The following KIF26A variants were observed in gnomAD, a reference collection of about 807,000 sequenced individuals.
KIF26A encodes the protein kinesin family member 26A.
In KIF26A, 74 loss-of-function variants were observed where a neutral mutation model predicts 126.0. That is an observed-to-expected ratio of 0.59 (90% CI 0.49 to 0.71). The LOEUF (loss-of-function observed/expected upper bound fraction) is 0.71. KIF26A is among the 30% of genes least tolerant of loss of function. The probability of loss-of-function intolerance (pLI) is 0.00; values close to 1 mark genes in which losing one functional copy is unlikely to be tolerated. For synonymous variants in KIF26A, 1,445 were observed against 1,232.7 expected (o/e 1.17, Z -3.61); for missense variants, 2,984 against 2,763.3 (o/e 1.08, Z -1.79).
rs555804254 is a variant in KIF26A, at chr14:104,138,747, T to C, written c.25T>C (p.Cys9Arg). Reference protein sequence around the residue: MVGRGVPLCAAQPAVAEGG... With the variant: MVGRGVPLRAAQPAVAEGG... ...CATGGTCGGCCGCGGCGTCCCTCTG[T>C]GCGCTGCGCAGCCCGCGGTACGCGC... Residue 9 changes from cysteine to arginine, a missense_variant, in exon 1 of 15, where the codon TGC (cysteine) becomes CGC (arginine). Transcript: ENST00000423312. 1.9e-4 allele frequency: 237 copies of C among 1,263,378 alleles called. 2 individuals are homozygous for C. In the Admixed American group the frequency reaches 6.7e-3, roughly 36 times the overall value. The allele number at this position is 1,263,378 out of a possible 1,614,324, so 78.3% of individuals were successfully genotyped here.
Position 104,152,199 on chromosome 14 carries a change from GC to G in KIF26A, c.477del (p.Ser160AlafsTer48). On this transcript the variant is annotated frameshift_variant, in exon 3 of 15. Transcript: ENST00000423312. LOFTEE classifies it high-confidence loss of function. This position sits in a 1 kb window ranked among gnomAD's most constrained non-coding sequence, Gnocchi z 5.9. ...SHEDLDAPHG[G>X]PSLAPPSTTT... is the part of the protein sequence containing the mutation. ...GAGGACCTTGACGCCCCCCATGGAG[GC>G]CCCAGCCTCGCACCCCCCAGCACCA... is the stretch of plus-strand genomic sequence containing the variant. 6.2e-7 allele frequency: 1 copy of G among 1,605,004 alleles called. No individual in the cohort carries two copies.
At chr14:104,173,595 G>C in intron 9 of KIF26A, 82 bp downstream of exon 9, 1 of 1,505,700 alleles carries the variant, frequency 6.6e-7, no homozygotes, top group Non-Finnish European at 8.9e-7. Context: ...TCATCCAGTG[G>C]CTCCTGGGGA....
At chr14:104,142,740 C>T (rs1469568324) in intron 2 of KIF26A, among the ~76,000 whole-genome samples, 6 of 152,344 alleles carry the variant, frequency 3.9e-5, no homozygotes, top group African/African-American at 1.4e-4. Context: ...CAGACCTCTT[C>T]CCTCTCCCTG....
rs1315923148 is a variant in KIF26A, at chr14:104,176,339, C to CCCCAT, written c.3555_3559dup (p.Arg1187HisfsTer63). On this transcript the variant is annotated frameshift_variant, in exon 12 of 15. Coordinates refer to ENST00000423312, the MANE Select transcript of KIF26A (RefSeq NM_015656.2). LOFTEE classifies it high-confidence loss of function. ...TGCCCTGGGGAAGTGGCTGCAGTGG[C>CCCCAT]CCCATCCCGACCCGGCAGGGAGCCC... 1 of 1,583,274 alleles carries CCCCAT rather than the reference C, an allele frequency of 6.3e-7. No homozygotes were observed. The highest frequency in any genetic ancestry group is 1.7e-5 in the Admixed American group (1 of 57,968).
rs757238072 is a variant in KIF26A at position 104,176,661 on chromosome 14, C to G, written c.3873C>G (p.Ala1291=). ...TGGTGGACGGGTGTGAGGTGGCAGC[C>G]AGGGCGGCCCGCAGGCCAGAGGCTG... ...QRVVDGCEVA[A]RAARRPEAVA... The change falls in exon 12 of 15, where the codon GCC becomes GCG. Residue 1291 remains alanine, a synonymous_variant. Transcript: ENST00000423312. 6.3e-7 allele frequency: 1 copy of G among 1,599,834 alleles called. No individual in the cohort carries two copies. The highest frequency in any genetic ancestry group is 1.1e-5 in the South Asian group (1 of 90,212).
chr14:104,155,596 G>A (rs886105793), intron 3 of KIF26A, among the ~76,000 whole-genome samples: 1 of 151,790 alleles, frequency 6.6e-6, no homozygotes, highest in Non-Finnish European at 1.5e-5. Context: ...CCCTGCCCCC[G>A]GCTCTCGCTT....
At chr14:104,143,604 G>A (rs1259171397) in intron 2 of KIF26A, among the ~76,000 whole-genome samples, 1 of 152,204 alleles carries the variant, frequency 6.6e-6, no homozygotes, top group African/African-American at 2.4e-5. Context: ...TCCCAGGTCT[G>A]TTGCCCCCAA....
At chr14:104,158,656 G>C (rs10150549) in intron 4 of KIF26A, among the ~76,000 whole-genome samples, 1 of 152,024 alleles carries the variant, frequency 6.6e-6, no homozygotes, top group African/African-American at 2.4e-5. Flanking sequence ...CAGAATGCCA[G>C]GCCTGAGGCC....
Position 104,151,151 on chromosome 14 carries a change from GCTC to G in KIF26A, c.289-854_289-852del, listed in dbSNP as rs1223050421. Among the ~76,000 whole-genome samples the G allele has an allele frequency of 6.6e-6, 1 of 152,144 alleles. No individual in the cohort carries two copies. The highest frequency in any genetic ancestry group is 1.5e-5 in the Non-Finnish European group (1 of 68,008). On this transcript the variant is annotated intron_variant, in intron 2 of 14. Coordinates refer to ENST00000423312, the MANE Select transcript of KIF26A (RefSeq NM_015656.2). The surrounding 1 kb of genome is among the most constrained non-coding windows in gnomAD (Gnocchi z 4.9). ...TTGCTCTGTGGCTTGTCTCCTTCTT[GCTC>G]CTCCTCCTCTTCCTGGAAGATGTCA...
Position 104,176,786 on chromosome 14 carries a change from C to A in KIF26A, c.3998C>A (p.Ser1333Ter). ...GCTCCCACGGAGGTGGTGGCCTGCT[C>A]GGGGAGCCTGAAGGCCTCCCCCACC... Reference protein sequence around the residue: ...GDAPTEVVACSGSLKASPTSK... With the variant: ...GDAPTEVVAC Residue 1333 changes from serine (S) to a stop codon, truncating the protein, a stop_gained, in exon 12 of 15, where the codon TCG (serine) becomes TAG (stop). Coordinates refer to ENST00000423312, the MANE Select transcript of KIF26A (RefSeq NM_015656.2). LOFTEE classifies it high-confidence loss of function. 6.4e-7 allele frequency: 1 copy of A among 1,572,326 alleles called. No individual in the cohort carries two copies. The highest frequency in any genetic ancestry group is 8.6e-7 in the Non-Finnish European group (1 of 1,160,174).
In KIF26A at chr14:104,139,097, C is replaced by T; in HGVS notation, c.97C>T (p.Arg33Ter). 6.8e-7 allele frequency: 1 copy of T among 1,465,634 alleles called. No homozygotes were observed. The highest frequency in any genetic ancestry group is 1.4e-5 in the South Asian group (1 of 72,986). 90.8% of individuals were successfully genotyped at this position (1,465,634 alleles called of 1,614,324 possible). A position where few individuals can be genotyped will look rare whatever the true frequency, so the allele number is the denominator to read the frequency against. ...EPPPLLEVSP[R>*]KRLPAGPDQD... is the part of the protein sequence containing the mutation. Reference sequence around the variant, plus strand: ...GCCGCCGCTGCTGGAGGTGTCCCCCCGAAAGAGGCTACCCGCCGGGCCCGA... The same window carrying T: ...GCCGCCGCTGCTGGAGGTGTCCCCCTGAAAGAGGCTACCCGCCGGGCCCGA... The change falls in exon 2 of 15, where the codon CGA becomes TGA. Residue 33 changes from arginine (R) to a stop codon, truncating the protein, a stop_gained. Coordinates refer to ENST00000423312, the MANE Select transcript of KIF26A (RefSeq NM_015656.2). LOFTEE classifies it high-confidence loss of function.
rs3742947 is a variant in KIF26A at position 104,176,085 on chromosome 14, A to G, written c.3297A>G (p.Ala1099=). The G allele has an allele frequency of 0.32, 514,140 of 1,590,320 alleles. 85,484 individuals are homozygous for G. Among genetic ancestry groups the G allele is most frequent in the East Asian group, 0.45 (19,591 of 43,986 alleles). The change falls in exon 12 of 15, where the codon GCA becomes GCG. Residue 1099 remains alanine (A), a synonymous_variant. Coordinates refer to ENST00000423312, the MANE Select transcript of KIF26A (RefSeq NM_015656.2). ...QAPEGGPLEG[A]AWAGSSHGSS... is the part of the protein sequence containing the mutation. ...CTGAGGGGGGGCCCCTGGAGGGGGC[A>G]GCCTGGGCCGGCAGCAGTCACGGCT...
Position 104,175,747 on chromosome 14 carries a change from C to T in KIF26A, c.2959C>T (p.Gln987Ter). The change falls in exon 12 of 15, where the codon CAG becomes TAG. Residue 987 changes from glutamine to a stop codon, truncating the protein, a stop_gained. Coordinates refer to ENST00000423312, the MANE Select transcript of KIF26A (RefSeq NM_015656.2). LOFTEE classifies it high-confidence loss of function. ...GACCCCTCCCGTGGGCATGAGTGGG[C>T]AGGTGGCTGGGTCCCCGATGCTTCC... ...ARTPPVGMSGQVAGSPMLPGA... is the reference protein window; with the variant it reads ...ARTPPVGMSG 6.5e-7 allele frequency: 1 copy of T among 1,547,652 alleles called. No individual in the cohort carries two copies. Among genetic ancestry groups the T allele is most frequent in the Non-Finnish European group, 8.7e-7 (1 of 1,148,860 alleles).
intron 4 of KIF26A, among the ~76,000 whole-genome samples, chr14:104,162,596 G>A (rs1158107603): frequency 6.6e-6 from 1 of 152,192 alleles, no homozygotes; most frequent in Non-Finnish European, 1.5e-5. Context: ...GGAAGCTTGG[G>A]GGTGTGGGTG....
intron 6 of KIF26A, 113 bp downstream of exon 6, chr14:104,172,048 G>A (rs1366601436): frequency 2.9e-6 from 3 of 1,043,966 alleles, no homozygotes; most frequent in Non-Finnish European, 4.1e-6. Context: ...GGAAGCGTGA[G>A]CGAGGGGCCC....
At chr14:104,159,783 G>A (rs1233531085) in intron 4 of KIF26A, among the ~76,000 whole-genome samples, 1 of 152,176 alleles carries the variant, frequency 6.6e-6, no homozygotes, top group Non-Finnish European at 1.5e-5. Context: ...CATCCTGGCA[G>A]GTGGGCCCTG....
At position 104,139,127 on chromosome 14, in the gene KIF26A, G is replaced by T. The variant is rs1019481686; in HGVS notation, c.127G>T (p.Asp43Tyr). 28 of 1,508,796 alleles carry T rather than the reference G, an allele frequency of 1.9e-5. No homozygotes were observed. The African/African-American group carries it at 3.9e-4, about 21-fold the overall frequency. The allele number at this position is 1,508,796 out of a possible 1,614,324, so 93.5% of individuals were successfully genotyped here. A position where few individuals can be genotyped will look rare whatever the true frequency, so the allele number is the denominator to read the frequency against. ...RKRLPAGPDQ[D>Y]PCGSRPAPEG... ...GAGGCTACCCGCCGGGCCCGACCAG[G>T]ACCCATGCGGCAGCCGCCCTGCTCC... Residue 43 changes from aspartate to tyrosine, a missense_variant, in exon 2 of 15, where the codon GAC becomes TAC. Coordinates refer to ENST00000423312, the MANE Select transcript of KIF26A (RefSeq NM_015656.2).
At chr14:104,150,225 C>T (rs1347705465) in intron 2 of KIF26A, among the ~76,000 whole-genome samples, 9 of 143,390 alleles carry the variant, frequency 6.3e-5, no homozygotes, top group African/African-American at 1.8e-4. Flanking sequence ...TCCTCCTCCT[C>T]CCCCTCCTCC....
intron 2 of KIF26A, among the ~76,000 whole-genome samples, chr14:104,149,244 C>T (rs1248706142): frequency 6.6e-6 from 1 of 152,200 alleles, no homozygotes; most frequent in Non-Finnish European, 1.5e-5. Context: ...CAGTGCCCCC[C>T]ATGGAGCCTG....
Sources: allele counts gnomAD v4.1 joint callset (sites outside exome capture counted in the v4.1 genomes callset), GRCh38; gene constraint gnomAD v4.1.1; non-coding constraint Gnocchi (gnomAD v3.1); transcripts MANE v1.5; gene names NCBI Gene and HGNC (gene_info 2026-07-23, HGNC 2026-07-21).